POMP: variants seen among roughly 807,000 people sequenced by gnomAD.
POMP encodes 2510048O06Rik.
In POMP, 12 loss-of-function variants were observed where a neutral mutation model predicts 20.6. The observed-to-expected ratio is 0.58, with a 90% CI of 0.37 to 0.94. POMP has a LOEUF of 0.94. Among genes scored for constraint, POMP ranks in the 40% least tolerant of loss-of-function variants. The pLI is 0.01. For missense variants in POMP, 136 were observed against 161.1 expected (o/e 0.84, Z 0.84); for synonymous variants, 53 against 55.0 (o/e 0.96, Z 0.16).
chr13:28,670,834 G>A (rs1245399823), intron 4 of POMP, among the ~76,000 whole-genome samples: 1 of 152,136 alleles, frequency 6.6e-6, no homozygotes. Flanking sequence ...ATCACCTGAG[G>A]TCAGGAGTTC....
intron 4 of POMP, among the ~76,000 whole-genome samples, chr13:28,671,150 A>G (rs1005416038): frequency 4.6e-5 from 7 of 152,204 alleles, no homozygotes; most frequent in African/African-American, 1.4e-4. Context: ...CTCTTAAAAA[A>G]CATGGTTTTG....
chr13:28,677,200 CTT>C (rs10718165), intron 5 of POMP, among the ~76,000 whole-genome samples: 36 of 144,582 alleles, frequency 2.5e-4, no homozygotes, highest in African/African-American at 8.7e-4. Context: ...AAAATATTGC[CTT>C]TTTTTTTTTT....
At chr13:28,665,261 T>C (rs1362131352) in intron 3 of POMP, among the ~76,000 whole-genome samples, 1 of 152,212 alleles carries the variant, frequency 6.6e-6, no homozygotes, top group Non-Finnish European at 1.5e-5. Context: ...TTCTGACTAC[T>C]TGGGGAAGAT....
At chr13:28,673,543 A>G (rs1884585817) in intron 5 of POMP, among the ~76,000 whole-genome samples, 1 of 152,214 alleles carries the variant, frequency 6.6e-6, no homozygotes, top group African/African-American at 2.4e-5. Flanking sequence ...AAAAATATCC[A>G]ACAGGATTAA....
In POMP at chr13:28,664,534, T is replaced by A. The variant is rs1170868831; in HGVS notation, c.127T>A (p.Leu43Met). 1.3e-6 allele frequency: 2 copies of A among 1,583,778 alleles called. No homozygotes were observed. The change falls in exon 3 of 6, where the codon TTG (leucine) becomes ATG (methionine). Residue 43 changes from leucine (L) to methionine (M), a missense_variant. Leu to Met is a conservative substitution (Grantham distance 15, BLOSUM62 2). Coordinates refer to ENST00000380842, the MANE Select transcript of POMP (RefSeq NM_015932.6). ...KGFSCVKNEL[L>M]PSHPLELSEK... is the part of the protein sequence containing the mutation. ...TTTTTCTTGTGTGAAAAATGAACTT[T>A]TGCCTAGTCATCCCCTTGAATTATC...
intron 2 of POMP, 65 bp from the exon 3 acceptor site, chr13:28,664,444 T>G: frequency 8.9e-7 from 1 of 1,121,510 alleles, no homozygotes; most frequent in Non-Finnish European, 1.3e-6. Flanking sequence ...AGATATGATT[T>G]TGAGCTCTGG....
chr13:28,667,743 T>G (rs1884473805), intron 3 of POMP, among the ~76,000 whole-genome samples: 1 of 152,230 alleles, frequency 6.6e-6, no homozygotes. Flanking sequence ...AGACAAATCT[T>G]TGTAACAGTC....
intron 5 of POMP, among the ~76,000 whole-genome samples, chr13:28,674,075 A>G (rs1256018317): frequency 1.3e-5 from 2 of 152,244 alleles, no homozygotes; most frequent in African/African-American, 4.8e-5. Flanking sequence ...TTCAGACAGA[A>G]GAGATGAGTA....
intron 4 of POMP, 132 bp from the exon 5 acceptor site, chr13:28,672,207 T>G: frequency 1.4e-6 from 1 of 736,210 alleles, no homozygotes; most frequent in South Asian, 1.5e-5. Context: ...TTTTTTCCAC[T>G]TGTTAAATTG....
At chr13:28,666,749 C>T (rs1206451506) in intron 3 of POMP, among the ~76,000 whole-genome samples, 1 of 152,204 alleles carries the variant, frequency 6.6e-6, no homozygotes, top group African/African-American at 2.4e-5. Flanking sequence ...AGTAGCTCTG[C>T]ATGATTGGGA....
chr13:28,677,956 G>T (rs530739964), intron 5 of POMP, 79 bp from the exon 6 acceptor site: 33 of 1,439,480 alleles, frequency 2.3e-5, no homozygotes, highest in Non-Finnish European at 3.1e-5. Context: ...GACTCTTCTG[G>T]ATTCTTATGT....
intron 1 of POMP, among the ~76,000 whole-genome samples, chr13:28,660,487 A>T (rs1884312944): frequency 6.6e-6 from 1 of 152,224 alleles, no homozygotes; most frequent in South Asian, 2.1e-4. Flanking sequence ...CCTGATGTTT[A>T]GTAGGTTAGG....
At position 28,678,332 on chromosome 13, in the gene POMP, T is replaced by C. The variant is rs545479382; in HGVS notation, c.*230T>C. On this transcript the variant is annotated 3_prime_UTR_variant, in exon 6 of 6. Transcript: ENST00000380842. The stretch of plus-strand genomic sequence containing the variant: ...TAATTTATATTAAAACAGTAGCCTT[T>C]GTCTTTAAAAAAGTTGTTGCTCATG... 4.0e-6 allele frequency: 2 copies of C among 495,546 alleles called. No homozygotes were observed. Among genetic ancestry groups the C allele is most frequent in the Non-Finnish European group, 7.2e-6 (2 of 276,522 alleles). The allele number at this position is 495,546 out of a possible 1,614,324, so 30.7% of individuals were successfully genotyped here. A position where few individuals can be genotyped will look rare whatever the true frequency, so the allele number is the denominator to read the frequency against.
Position 28,659,206 on chromosome 13 carries a change from G to C in POMP, c.3+19G>C, listed in dbSNP as rs28372944. 1.2e-3 allele frequency: 1,962 copies of C among 1,587,438 alleles called. 36 individuals carry two copies. In the East Asian group the frequency reaches 0.035, roughly 29 times the overall value. ...GAAGATGGTGAGTGGGTACCCGGGCGGCTGGAGTTCCACGCGGGCTCGGGA... is the reference window on the plus strand; with the variant it reads ...GAAGATGGTGAGTGGGTACCCGGGCCGCTGGAGTTCCACGCGGGCTCGGGA... On this transcript the variant is annotated intron_variant, in intron 1 of 5. Transcript: ENST00000380842.
intron 5 of POMP, among the ~76,000 whole-genome samples, chr13:28,675,303 C>T (rs78173206): frequency 0.044 from 6,756 of 152,080 alleles, 505 homozygotes; most frequent in African/African-American, 0.15. Flanking sequence ...ACCACACCTG[C>T]CTAATTTTGT....
rs759104190 is a variant in POMP, at chr13:28,672,365, C to T, written c.291C>T (p.Ser97=). ...QQVQRLPFLS[S]SNLSLDVLRG... Reference sequence around the variant, plus strand: ...TTCAGCGTCTTCCATTTCTTTCAAGCTCAAATCTTTCACTGGATGTTTTGA... The same window carrying T: ...TTCAGCGTCTTCCATTTCTTTCAAGTTCAAATCTTTCACTGGATGTTTTGA... The change falls in exon 5 of 6, where the codon AGC becomes AGT. Residue 97 remains serine, a synonymous_variant. Coordinates refer to ENST00000380842, the MANE Select transcript of POMP (RefSeq NM_015932.6). 3.1e-6 allele frequency: 5 copies of T among 1,610,692 alleles called. No individual in the cohort carries two copies. Among genetic ancestry groups the T allele is most frequent in the Non-Finnish European group, 4.2e-6 (5 of 1,177,110 alleles).
At chr13:28,672,187 G>C (rs953736531) in intron 4 of POMP, 152 bp from the exon 5 acceptor site, 1 of 688,502 alleles carries the variant, frequency 1.5e-6, no homozygotes, top group Non-Finnish European at 2.6e-6. Flanking sequence ...TCTAAAATAT[G>C]AACTAGTGTT....
At chr13:28,667,001 T>C (rs1884460039) in intron 3 of POMP, among the ~76,000 whole-genome samples, 1 of 152,144 alleles carries the variant, frequency 6.6e-6, no homozygotes, top group African/African-American at 2.4e-5. Context: ...CAGTGAAGAA[T>C]TATCTGGCCC....
intron 4 of POMP, among the ~76,000 whole-genome samples, chr13:28,670,414 A>G (rs1234853979): frequency 2.6e-5 from 4 of 152,082 alleles, no homozygotes; most frequent in Admixed American, 6.5e-5. Context: ...CATTGCTACT[A>G]TGCTGGTCCT....
Sources: allele counts gnomAD v4.1 joint callset (sites outside exome capture counted in the v4.1 genomes callset), GRCh38; gene constraint gnomAD v4.1.1; transcripts MANE v1.5; gene names NCBI Gene and HGNC (gene_info 2026-07-23, HGNC 2026-07-21).